The following IPCEF1 variants were observed in gnomAD, a reference collection of about 807,000 sequenced individuals.
IPCEF1 encodes interactor protein for cytohesin exchange factors 1.
Under a neutral mutation model 50.9 loss-of-function variants are expected in IPCEF1, and 31 were observed. The observed-to-expected ratio is 0.61, with a 90% confidence interval of 0.46 to 0.82. The LOEUF (loss-of-function observed/expected upper bound fraction) is 0.82. Among genes scored for constraint, IPCEF1 ranks in the 40% least tolerant of loss-of-function variants. The probability of loss-of-function intolerance (pLI) is 0.00; values close to 1 mark genes in which losing one functional copy is unlikely to be tolerated. For missense variants in IPCEF1, 458 were observed against 514.0 expected (o/e 0.89, Z 1.05); for synonymous variants, 181 against 192.0 (o/e 0.94, Z 0.47).
chr6:154,242,153 G>A (rs1270519967), intron 5 of IPCEF1, among the ~76,000 whole-genome samples: 2 of 152,106 alleles, frequency 1.3e-5, no homozygotes, highest in African/African-American at 4.8e-5. Context: ...TCATTCCTTT[G>A]TTCCCATTAG....
At chr6:154,231,425 A>G (rs1779708028) in intron 5 of IPCEF1, among the ~76,000 whole-genome samples, 1 of 152,236 alleles carries the variant, frequency 6.6e-6, no homozygotes, top group Non-Finnish European at 1.5e-5. Context: ...CTTGGAGAAT[A>G]TGTGGAATGA....
At chr6:154,166,310 T>C (rs1799425008) in intron 11 of IPCEF1, among the ~76,000 whole-genome samples, 1 of 152,208 alleles carries the variant, frequency 6.6e-6, no homozygotes, top group African/African-American at 2.4e-5. Context: ...GAGGGCATGG[T>C]GCCGTAAAGA....
chr6:154,296,712 C>A (rs935116428), intron 1 of IPCEF1, among the ~76,000 whole-genome samples: 1 of 151,738 alleles, frequency 6.6e-6, no homozygotes, highest in African/African-American at 2.4e-5. Context: ...GCCTGTAGTC[C>A]CAACTACTCG....
chr6:154,181,578 G>C (rs1179764824), intron 10 of IPCEF1, among the ~76,000 whole-genome samples: 1 of 152,180 alleles, frequency 6.6e-6, no homozygotes, highest in African/African-American at 2.4e-5. Flanking sequence ...GCAATATATA[G>C]TCACTGAGAT....
At position 154,225,596 on chromosome 6, in the gene IPCEF1, G is replaced by C. The variant is rs1026286394; in HGVS notation, c.247-2353C>G. Among the ~76,000 whole-genome samples the C allele has an allele frequency of 3.9e-5, 6 of 152,300 alleles. No homozygotes were observed. In the East Asian group the frequency reaches 1.2e-3, roughly 29 times the overall value. On this transcript the variant is annotated intron_variant, in intron 5 of 11. Transcript: ENST00000367220. ...TAGCTACCAGGGTCCCAGGCAGTAGGAAATAGGGAGCAACTGCTCAATGGG... is the reference window on the plus strand; with the variant it reads ...TAGCTACCAGGGTCCCAGGCAGTAGCAAATAGGGAGCAACTGCTCAATGGG...
At chr6:154,341,977 G>A (rs1783927402) in intron 1 of IPCEF1, among the ~76,000 whole-genome samples, 1 of 152,118 alleles carries the variant, frequency 6.6e-6, no homozygotes, top group African/African-American at 2.4e-5. Flanking sequence ...AACCCCTTAT[G>A]TCAAAGAGGT....
At chr6:154,247,526 G>A (rs760992653) in intron 3 of IPCEF1, 38 bp from the exon 4 acceptor site, 3 of 1,586,098 alleles carry the variant, frequency 1.9e-6, no homozygotes, top group Non-Finnish European at 1.7e-6. Flanking sequence ...GGAAATTTCT[G>A]ATTGTGTTGT....
intron 3 of IPCEF1, among the ~76,000 whole-genome samples, chr6:154,254,841 A>G (rs1781423505): frequency 6.6e-6 from 1 of 152,240 alleles, no homozygotes; most frequent in African/African-American, 2.4e-5. Context: ...AGTTTAATCT[A>G]CTTACATTTA....
chr6:154,224,500 GTGTTCACGTT>G lies in IPCEF1; in HGVS notation c.247-1267_247-1258del, dbSNP rs572174564. On this transcript the variant is annotated intron_variant, in intron 5 of 11. Transcript: ENST00000367220. ...AGGAGGGTGGATCACTTGCGGTGAGGTGTTCACGTTCAGCCCAGCCAACACGGTGAAACCC... is the reference window on the plus strand; with the variant it reads ...AGGAGGGTGGATCACTTGCGGTGAGGCAGCCCAGCCAACACGGTGAAACCC... 4.6e-3 allele frequency among the ~76,000 whole-genome samples: 701 copies of G among 152,250 alleles called. 6 individuals carry two copies. The highest frequency in any genetic ancestry group is 0.016 in the African/African-American group (673 of 41,550).
chr6:154,331,197 G>T (rs1308786783), intron 1 of IPCEF1, among the ~76,000 whole-genome samples: 1 of 151,978 alleles, frequency 6.6e-6, no homozygotes, highest in African/African-American at 2.4e-5. Flanking sequence ...AACCCGGGAA[G>T]TGGAGGCTGC....
At chr6:154,354,019 T>C (rs185857323) in intron 1 of IPCEF1, among the ~76,000 whole-genome samples, 36 of 152,332 alleles carry the variant, frequency 2.4e-4, no homozygotes, top group Admixed American at 2.1e-3. Context: ...AAATTAGAGA[T>C]TAAATTTTTA....
chr6:154,166,766 CACAG>C (rs1246574201), intron 11 of IPCEF1, among the ~76,000 whole-genome samples: 34 of 152,162 alleles, frequency 2.2e-4, no homozygotes, highest in African/African-American at 8.0e-4. Flanking sequence ...TATCAGCTAT[CACAG>C]ACAAAGAAGA....
chr6:154,163,351 G>C (rs191103339), intron 11 of IPCEF1, among the ~76,000 whole-genome samples: 24 of 152,196 alleles, frequency 1.6e-4, no homozygotes, highest in Non-Finnish European at 3.1e-4. Flanking sequence ...CGGCCTCAGA[G>C]AACCTCAAGC....
chr6:154,308,059 G>A (rs1229921612), intron 1 of IPCEF1, among the ~76,000 whole-genome samples: 2 of 152,162 alleles, frequency 1.3e-5, no homozygotes, highest in Non-Finnish European at 2.9e-5. Context: ...TAGGGGGAGA[G>A]GGATGTAAAC....
At chr6:154,234,985 T>C (rs1485455941) in intron 5 of IPCEF1, among the ~76,000 whole-genome samples, 1 of 152,216 alleles carries the variant, frequency 6.6e-6, no homozygotes, top group Non-Finnish European at 1.5e-5. Flanking sequence ...TGTGCTACTG[T>C]TTTCACATAT....
At chr6:154,225,215 G>A (rs1779159825) in intron 5 of IPCEF1, among the ~76,000 whole-genome samples, 1 of 152,092 alleles carries the variant, frequency 6.6e-6, no homozygotes, top group Non-Finnish European at 1.5e-5. Context: ...AAAACTTTCA[G>A]ATTTTGGAAC....
At chr6:154,204,266 G>A (rs1404198583) in intron 9 of IPCEF1, among the ~76,000 whole-genome samples, 1 of 152,026 alleles carries the variant, frequency 6.6e-6, no homozygotes, top group Non-Finnish European at 1.5e-5. Flanking sequence ...AGTTTGACAT[G>A]GTGAAAAAAT....
At chr6:154,226,855 C>CT in intron 5 of IPCEF1, among the ~76,000 whole-genome samples, 1 of 152,232 alleles carries the variant, frequency 6.6e-6, no homozygotes, top group East Asian at 1.9e-4. Context: ...ATCTCTCCCC[C>CT]TCCCCCATTC....
chr6:154,306,466 C>T (rs555595175), intron 1 of IPCEF1, among the ~76,000 whole-genome samples: 4 of 152,284 alleles, frequency 2.6e-5, no homozygotes, highest in South Asian at 4.1e-4. Context: ...CGAACTCCTG[C>T]GTTCAAGGTA....
Sources: allele counts gnomAD v4.1 joint callset (sites outside exome capture counted in the v4.1 genomes callset), GRCh38; gene constraint gnomAD v4.1.1; transcripts MANE v1.5; gene names NCBI Gene and HGNC (gene_info 2026-07-23, HGNC 2026-07-21).